The following RREB1 variants were observed in gnomAD, a reference collection of about 807,000 sequenced individuals.
RREB1 encodes the protein ras responsive element binding protein 1, also known as ras-responsive element-binding protein 1.
A neutral mutation model predicts 117.8 loss-of-function variants in RREB1; 27 were observed. That is an observed-to-expected ratio of 0.23 (90% CI 0.17 to 0.32). RREB1 has a LOEUF of 0.32. RREB1 is among the 10% of genes least tolerant of loss of function. The pLI is 1.00. For synonymous variants in RREB1, 1,298 were observed against 1,026.7 expected (o/e 1.26, Z -5.05); for missense variants, 2,577 against 2,378.2 (o/e 1.08, Z -1.74).
rs968483100 is a variant in RREB1, at chr6:7,251,091, T to A, written c.*2123T>A. On this transcript the variant is annotated 3_prime_UTR_variant, in exon 13 of 13. Coordinates refer to ENST00000379938, the MANE Select transcript of RREB1 (RefSeq NM_001003699.4). ...AACTTGCAATATTGTGGGGAGAAGC[T>A]GTGACTAAACTCTACGCTGCGGTGA... 3.3e-5 allele frequency: 5 copies of A among 152,116 alleles called. No homozygotes were observed. Among genetic ancestry groups the A allele is most frequent in the Admixed American group, 6.5e-5 (1 of 15,270 alleles). The allele number at this position is 152,116 out of a possible 1,614,324, so 9.4% of individuals were successfully genotyped here.
At chr6:7,116,355 T>C (rs1761396974) in intron 1 of RREB1, among the ~76,000 whole-genome samples, 1 of 152,254 alleles carries the variant, frequency 6.6e-6, no homozygotes, top group Non-Finnish European at 1.5e-5. Flanking sequence ...TGTACTCTTT[T>C]TTTCAAGACC....
intron 10 of RREB1, among the ~76,000 whole-genome samples, chr6:7,232,193 C>T (rs1054219695): frequency 6.6e-6 from 1 of 152,350 alleles, no homozygotes; most frequent in South Asian, 2.1e-4. Flanking sequence ...CCTCAGATCA[C>T]TCATGGCGTC....
intron 8 of RREB1, among the ~76,000 whole-genome samples, chr6:7,223,456 G>T (rs1767389107): frequency 6.6e-6 from 1 of 151,208 alleles, no homozygotes; most frequent in African/African-American, 2.4e-5. Flanking sequence ...AGCTACTCAG[G>T]AGGCTGAAGC....
At chr6:7,143,641 A>G (rs923642862) in intron 1 of RREB1, among the ~76,000 whole-genome samples, 1 of 152,052 alleles carries the variant, frequency 6.6e-6, no homozygotes, top group African/African-American at 2.4e-5. Flanking sequence ...AACTGAATTC[A>G]GTCCTTTTTT....
At chr6:7,212,617 A>C (rs1329412704) in intron 8 of RREB1, 1 of 152,218 alleles carries the variant, frequency 6.6e-6, no homozygotes, top group Non-Finnish European at 1.5e-5. Context: ...AGTCACACAC[A>C]GCTGCAGGGT....
At chr6:7,132,112 T>C (rs1258279141) in intron 1 of RREB1, among the ~76,000 whole-genome samples, 2 of 152,148 alleles carry the variant, frequency 1.3e-5, no homozygotes, top group South Asian at 2.1e-4. Flanking sequence ...TGGAGTACAA[T>C]GGTGCAATCT....
At chr6:7,138,637 T>C (rs1371775741) in intron 1 of RREB1, among the ~76,000 whole-genome samples, 1 of 152,232 alleles carries the variant, frequency 6.6e-6, no homozygotes, top group African/African-American at 2.4e-5. Flanking sequence ...TTGACAGTTT[T>C]CTAGCTCACA....
chr6:7,241,213 C>T (rs1768685705), intron 11 of RREB1, among the ~76,000 whole-genome samples: 1 of 152,122 alleles, frequency 6.6e-6, no homozygotes. Context: ...TTCCTCCCTC[C>T]AGCACCCACA....
intron 4 of RREB1, chr6:7,185,148 A>C (rs1765018927): frequency 6.6e-6 from 1 of 152,254 alleles, no homozygotes; most frequent in Non-Finnish European, 1.5e-5. Context: ...ATGATAAATG[A>C]GTACGACTGG....
intron 6 of RREB1, among the ~76,000 whole-genome samples, chr6:7,200,046 C>A (rs1041160513): frequency 3.9e-5 from 6 of 152,076 alleles, no homozygotes; most frequent in Non-Finnish European, 8.8e-5. Context: ...TAAAAGTTGG[C>A]CAATTTTAAT....
At chr6:7,108,435 C>T (rs1228297178) in intron 1 of RREB1, among the ~76,000 whole-genome samples, 1 of 152,038 alleles carries the variant, frequency 6.6e-6, no homozygotes, top group East Asian at 1.9e-4. Flanking sequence ...GGACCTGATG[C>T]GCATCCATAT....
intron 1 of RREB1, among the ~76,000 whole-genome samples, chr6:7,111,357 C>CT (rs1243255419): frequency 5.9e-5 from 9 of 152,162 alleles, no homozygotes; most frequent in Admixed American, 2.0e-4. Context: ...TTTTAAAATG[C>CT]TACCCTTTTA....
At chr6:7,160,233 A>G (rs1431807706) in intron 1 of RREB1, among the ~76,000 whole-genome samples, 1 of 152,030 alleles carries the variant, frequency 6.6e-6, no homozygotes, top group Non-Finnish European at 1.5e-5. Context: ...AAATTTTTAG[A>G]CACAGGGGTC....
At chr6:7,131,758 G>A (rs756770714) in intron 1 of RREB1, among the ~76,000 whole-genome samples, 2 of 152,140 alleles carry the variant, frequency 1.3e-5, no homozygotes, top group Non-Finnish European at 2.9e-5. Flanking sequence ...CCACACGCCC[G>A]GCCAAAGCTG....
intron 8 of RREB1, among the ~76,000 whole-genome samples, chr6:7,223,304 G>C (rs188834861): frequency 4.4e-4 from 65 of 148,402 alleles, no homozygotes; most frequent in African/African-American, 1.5e-3. Context: ...GCTCACGCCT[G>C]TAATCCCAGC....
intron 6 of RREB1, 122 bp from the exon 7 acceptor site, chr6:7,210,682 T>C: frequency 1.3e-6 from 1 of 748,340 alleles, no homozygotes. Context: ...CTGTATAAAT[T>C]ATACCTCATA....
At chr6:7,169,927 C>A (rs574712033) in intron 1 of RREB1, among the ~76,000 whole-genome samples, 7 of 152,268 alleles carry the variant, frequency 4.6e-5, no homozygotes, top group Non-Finnish European at 1.0e-4. Context: ...GACCCTGTCT[C>A]CCCAGTCAAT....
At chr6:7,129,194 C>T (rs956516802) in intron 1 of RREB1, among the ~76,000 whole-genome samples, 2 of 152,148 alleles carry the variant, frequency 1.3e-5, no homozygotes, top group Non-Finnish European at 2.9e-5. Flanking sequence ...AGGAGTGGGT[C>T]TGCACTTCTA....
chr6:7,172,107 G>C (rs915612153), intron 1 of RREB1, among the ~76,000 whole-genome samples: 5 of 151,968 alleles, frequency 3.3e-5, no homozygotes, highest in African/African-American at 1.2e-4. Context: ...TACCATACCT[G>C]CCTAATATTT....
Sources: gnomAD v4.1 joint callset for allele counts (sites outside exome capture counted in the v4.1 genomes callset) on GRCh38, gnomAD v4.1.1 for gene constraint, MANE v1.5 for transcripts, NCBI Gene and HGNC (gene_info 2026-07-23, HGNC 2026-07-21) for gene names.